SORCS2: variants seen among roughly 807,000 people sequenced by gnomAD.
SORCS2 encodes VPS10 domain-containing receptor SorCS2.
Under a neutral mutation model 141.6 loss-of-function variants are expected in SORCS2, and 100 were observed. The ratio of observed to expected loss-of-function variants is 0.71; its 90% CI spans 0.60 to 0.83. SORCS2 has a LOEUF of 0.83. Ranked by LOEUF, SORCS2 falls within the 40% of genes least tolerant of loss-of-function variation. The pLI is 0.00. For synonymous variants in SORCS2, 789 were observed against 676.9 expected (o/e 1.17, Z -2.57); for missense variants, 1,646 against 1,560.2 (o/e 1.05, Z -0.93).
chr4:7,505,396 C>A (rs538470389), intron 2 of SORCS2, among the ~76,000 whole-genome samples: 2 of 152,150 alleles, frequency 1.3e-5, no homozygotes, highest in African/African-American at 4.8e-5. Context: ...AGGAGAGCTC[C>A]GTGTGCACAG....
intron 1 of SORCS2, among the ~76,000 whole-genome samples, chr4:7,317,210 G>A (rs367686776): frequency 6.6e-6 from 1 of 152,178 alleles, no homozygotes; most frequent in Non-Finnish European, 1.5e-5. Flanking sequence ...CAAAGCTGCC[G>A]GTGACTATAG....
intron 1 of SORCS2, among the ~76,000 whole-genome samples, chr4:7,276,796 C>G (rs1260642417): frequency 1.3e-5 from 2 of 152,198 alleles, no homozygotes; most frequent in South Asian, 4.1e-4. Flanking sequence ...CCAGCCACAC[C>G]TAGTGGAGCA....
intron 5 of SORCS2, among the ~76,000 whole-genome samples, chr4:7,659,512 G>A (rs1452218802): frequency 2.6e-5 from 4 of 151,428 alleles, no homozygotes; most frequent in Non-Finnish European, 5.9e-5. Context: ...TGAATGGATG[G>A]GTGGATGTCC....
rs944304614 is a variant in SORCS2 at position 7,435,022 on chromosome 4, C to T, written c.548+38667C>T. 55 of 1,042,958 alleles carry T rather than the reference C, an allele frequency of 5.3e-5. 1 individual carries two copies. The highest frequency in any genetic ancestry group is 1.2e-4 in the Admixed American group (4 of 33,922). The allele number at this position is 1,042,958 out of a possible 1,614,324, so 64.6% of individuals were successfully genotyped here. A position where few individuals can be genotyped will look rare whatever the true frequency, so the allele number is the denominator to read the frequency against. The stretch of plus-strand genomic sequence containing the variant: ...CACAGCCTGACTCACACCCTGTGCC[C>T]GGGGATTCCTGGCCTCTTCGCCTTT... On this transcript the variant is annotated intron_variant, in intron 2 of 26. Coordinates refer to ENST00000507866, the MANE Select transcript of SORCS2 (RefSeq NM_020777.3).
intron 1 of SORCS2, among the ~76,000 whole-genome samples, chr4:7,280,540 C>T (rs1200534493): frequency 2.0e-5 from 3 of 152,200 alleles, no homozygotes; most frequent in Admixed American, 6.5e-5. Flanking sequence ...AGAGGAAGTA[C>T]TGCCTGTCAT....
intron 1 of SORCS2, among the ~76,000 whole-genome samples, chr4:7,203,309 A>C (rs1010423135): frequency 6.6e-6 from 1 of 152,394 alleles, no homozygotes; most frequent in African/African-American, 2.4e-5. Flanking sequence ...CTGTAATCCC[A>C]GCTGCTTGGA....
At chr4:7,618,167 C>T (rs958078835) in intron 3 of SORCS2, among the ~76,000 whole-genome samples, 5 of 152,240 alleles carry the variant, frequency 3.3e-5, no homozygotes, top group Non-Finnish European at 7.4e-5. Flanking sequence ...AAGCCTCCTC[C>T]GCAGGCTCCT....
chr4:7,695,123 A>G (rs1250429824), intron 11 of SORCS2, among the ~76,000 whole-genome samples: 1 of 151,504 alleles, frequency 6.6e-6, no homozygotes, highest in Non-Finnish European at 1.5e-5. Context: ...GCCATTGAAT[A>G]CATGCAGGAG....
At chr4:7,525,357 G>T (rs1228027808) in intron 2 of SORCS2, among the ~76,000 whole-genome samples, 1 of 152,110 alleles carries the variant, frequency 6.6e-6, no homozygotes, top group Non-Finnish European at 1.5e-5. Context: ...GAAGATGCCT[G>T]ATTCCAATCC....
At chr4:7,371,586 C>A (rs893223779) in intron 1 of SORCS2, among the ~76,000 whole-genome samples, 2 of 152,160 alleles carry the variant, frequency 1.3e-5, no homozygotes, top group African/African-American at 4.8e-5. Flanking sequence ...ATTGCTGTGT[C>A]CACAGAGGAG....
chr4:7,694,568 A>T (rs1286044193), intron 11 of SORCS2, among the ~76,000 whole-genome samples: 1 of 151,960 alleles, frequency 6.6e-6, no homozygotes, highest in African/African-American at 2.4e-5. Flanking sequence ...ACGCGGCAAC[A>T]CTCCCTGCCC....
At chr4:7,360,587 T>TTTTTTTTTTTTTTTG in intron 1 of SORCS2, among the ~76,000 whole-genome samples, 1 of 125,478 alleles carries the variant, frequency 8.0e-6, no homozygotes, top group Non-Finnish European at 1.7e-5. Flanking sequence ...TTTTTTTTTT[T>TTTTTTTTTTTTTTTG]TTTTTTTTTG....
chr4:7,620,857 G>A (rs772981421), intron 3 of SORCS2, among the ~76,000 whole-genome samples: 15 of 152,168 alleles, frequency 9.9e-5, no homozygotes, highest in African/African-American at 1.7e-4. Context: ...CGACCTGGAC[G>A]GGAGGGCAGA....
intron 1 of SORCS2, among the ~76,000 whole-genome samples, chr4:7,228,272 C>A (rs562301953): frequency 2.0e-5 from 3 of 148,394 alleles, no homozygotes; most frequent in Non-Finnish European, 4.4e-5. Flanking sequence ...CCCATTCTGA[C>A]CACCTTCTTT....
chr4:7,320,933 T>C (rs1718859796), intron 1 of SORCS2, among the ~76,000 whole-genome samples: 1 of 151,382 alleles, frequency 6.6e-6, no homozygotes, highest in Non-Finnish European at 1.5e-5. Flanking sequence ...TCCTTTCTTT[T>C]TCCTTATATA....
intron 2 of SORCS2, among the ~76,000 whole-genome samples, chr4:7,443,675 G>C (rs942393972): frequency 6.6e-6 from 1 of 152,232 alleles, no homozygotes; most frequent in Non-Finnish European, 1.5e-5. Flanking sequence ...TTGAGACTCA[G>C]GACTTTGGGG....
chr4:7,543,813 CATCCATCT>C lies in SORCS2; in HGVS notation c.648+12186_648+12193del, dbSNP rs1267965763. Among the ~76,000 whole-genome samples, 73 of 22,898 alleles carry C rather than the reference CATCCATCT, an allele frequency of 3.2e-3. 3 individuals are homozygous for C. In the East Asian group the frequency reaches 0.052, roughly 16 times the overall value. The allele number at this position is 22,898 out of a possible 152,430, so 15.0% of individuals were successfully genotyped here. A position where few individuals can be genotyped will look rare whatever the true frequency, so the allele number is the denominator to read the frequency against. On this transcript the variant is annotated intron_variant, in intron 3 of 26. Coordinates refer to ENST00000507866, the MANE Select transcript of SORCS2 (RefSeq NM_020777.3). ...CCATCCATCCATCCATCCATCCATC[CATCCATCT>C]ACCCATCTGTCCATCCATCCACTCA...
intron 2 of SORCS2, among the ~76,000 whole-genome samples, chr4:7,420,636 G>A (rs368696431): frequency 1.3e-5 from 2 of 152,046 alleles, no homozygotes; most frequent in Non-Finnish European, 2.9e-5. Context: ...TTGCCTGCTT[G>A]TCCTCTTTCC....
intron 3 of SORCS2, among the ~76,000 whole-genome samples, chr4:7,614,830 C>G (rs947616120): frequency 1.3e-5 from 2 of 151,932 alleles, no homozygotes; most frequent in Non-Finnish European, 2.9e-5. Context: ...ATCCATTCAT[C>G]CATCCATCCA....
Sources: gnomAD v4.1 joint callset for allele counts (sites outside exome capture counted in the v4.1 genomes callset) on GRCh38, gnomAD v4.1.1 for gene constraint, MANE v1.5 for transcripts, NCBI Gene and HGNC (gene_info 2026-07-23, HGNC 2026-07-21) for gene names.